Variants in FER observed in about 807,000 individuals in gnomAD.
The protein encoded by FER is FER tyrosine kinase, also known as tyrosine-protein kinase Fer.
A neutral mutation model predicts 111.0 loss-of-function variants in FER; 63 were observed. The observed-to-expected ratio is 0.57, with a 90% CI of 0.46 to 0.70. The LOEUF (loss-of-function observed/expected upper bound fraction) is 0.70. Ranked by LOEUF, FER falls within the 30% of genes least tolerant of loss-of-function variation. The pLI is 0.00. For missense variants in FER, 914 were observed against 954.0 expected (o/e 0.96, Z 0.55); for synonymous variants, 327 against 313.9 (o/e 1.04, Z -0.44).
At chr5:109,100,556 T>G (rs749816939) in intron 17 of FER, 37 bp downstream of exon 17, 8 of 1,578,916 alleles carry the variant, frequency 5.1e-6, no homozygotes, top group East Asian at 4.5e-5. Context: ...TTTGGTTTTA[T>G]TAATAGAATG....
intron 10 of FER, among the ~76,000 whole-genome samples, chr5:108,932,435 G>A (rs1754822635): frequency 6.6e-6 from 1 of 152,082 alleles, no homozygotes; most frequent in Non-Finnish European, 1.5e-5. Context: ...TGGACATTTG[G>A]GTTGGTTCCA....
intron 16 of FER, among the ~76,000 whole-genome samples, chr5:109,069,368 A>G (rs1396696700): frequency 6.6e-6 from 1 of 152,200 alleles, no homozygotes; most frequent in Admixed American, 6.5e-5. Flanking sequence ...TAGACGACAC[A>G]TGGATAGTTA....
At chr5:109,183,955 A>AGTGGCTGAGAAATCTTTTTGTAT (rs1487466475) in intron 18 of FER, among the ~76,000 whole-genome samples, 2 of 152,174 alleles carry the variant, frequency 1.3e-5, no homozygotes, top group African/African-American at 4.8e-5. Flanking sequence ...TCTTCTCATA[A>AGTGGCTGAGAAATCTTTTTGTAT]GTGGCTGAGA....
chr5:108,979,343 C>G (rs1175996406), intron 13 of FER, among the ~76,000 whole-genome samples: 9 of 152,024 alleles, frequency 5.9e-5, no homozygotes, highest in Admixed American at 4.6e-4. Flanking sequence ...AATCTCTTTC[C>G]CTGAATTTCA....
rs1759290333 is a variant in FER at position 109,190,331 on chromosome 5, C to T, written c.*2756C>T. On this transcript the variant is annotated 3_prime_UTR_variant, in exon 20 of 20. Coordinates refer to ENST00000281092, the MANE Select transcript of FER (RefSeq NM_005246.4). ...GGTCCGGATGTAATTAGTCCAGTCACAAATCTTTGTGTTGTTAATGGATTA... is the reference window on the plus strand; with the variant it reads ...GGTCCGGATGTAATTAGTCCAGTCATAAATCTTTGTGTTGTTAATGGATTA... 1 of 151,902 alleles carries T rather than the reference C, an allele frequency of 6.6e-6. No homozygotes were observed. The highest frequency in any genetic ancestry group is 1.9e-4 in the East Asian group (1 of 5,194). The allele number at this position is 151,902 out of a possible 1,614,324, so 9.4% of individuals were successfully genotyped here. A position where few individuals can be genotyped will look rare whatever the true frequency, so the allele number is the denominator to read the frequency against.
intron 16 of FER, among the ~76,000 whole-genome samples, chr5:109,092,644 T>C (rs1231130108): frequency 6.6e-6 from 1 of 152,150 alleles, no homozygotes; most frequent in East Asian, 1.9e-4. Flanking sequence ...AACAGAATCC[T>C]GTGCATTGCC....
chr5:108,903,060 T>G (rs1397341872), intron 10 of FER, among the ~76,000 whole-genome samples: 2 of 152,184 alleles, frequency 1.3e-5, no homozygotes, highest in Non-Finnish European at 2.9e-5. Context: ...TTTAACTTTA[T>G]GACAATATAT....
At chr5:109,045,208 T>C (rs1443446855) in intron 15 of FER, among the ~76,000 whole-genome samples, 1 of 151,786 alleles carries the variant, frequency 6.6e-6, no homozygotes, top group Non-Finnish European at 1.5e-5. Flanking sequence ...AGCTGTTAGG[T>C]TTCATTTCTG....
intron 13 of FER, among the ~76,000 whole-genome samples, chr5:109,022,633 T>G (rs569163440): frequency 6.6e-6 from 1 of 152,238 alleles, no homozygotes; most frequent in African/African-American, 2.4e-5. Flanking sequence ...ATAGAAATAT[T>G]ACCTTGTGAG....
At chr5:108,762,415 C>T (rs191987681) in intron 1 of FER, among the ~76,000 whole-genome samples, 7 of 152,300 alleles carry the variant, frequency 4.6e-5, no homozygotes. Context: ...TTCTATCATC[C>T]TGGTTCGGCA....
chr5:109,105,347 G>A (rs866292331), intron 17 of FER, among the ~76,000 whole-genome samples: 1 of 150,308 alleles, frequency 6.7e-6, no homozygotes, highest in Non-Finnish European at 1.5e-5. Context: ...TTTTCCCGAT[G>A]ATCTTTGAGG....
intron 2 of FER, among the ~76,000 whole-genome samples, chr5:108,795,889 T>C (rs1270040826): frequency 6.6e-6 from 1 of 152,208 alleles, no homozygotes; most frequent in East Asian, 1.9e-4. Context: ...AGTTTGTGTA[T>C]GGAGATCCTG....
intron 10 of FER, among the ~76,000 whole-genome samples, chr5:108,909,381 A>G (rs1244055067): frequency 2.0e-5 from 3 of 152,166 alleles, no homozygotes; most frequent in Admixed American, 6.5e-5. Context: ...TCACAGATGA[A>G]GGATGTGATC....
At chr5:108,842,028 G>T (rs1050719898) in intron 5 of FER, among the ~76,000 whole-genome samples, 1 of 152,120 alleles carries the variant, frequency 6.6e-6, no homozygotes, top group African/African-American at 2.4e-5. Flanking sequence ...TTATATTATA[G>T]CTTTGATAAT....
At chr5:109,064,202 T>C (rs1460122298) in intron 16 of FER, among the ~76,000 whole-genome samples, 3 of 152,192 alleles carry the variant, frequency 2.0e-5, no homozygotes, top group African/African-American at 2.4e-5. Flanking sequence ...CCTTGTAAAT[T>C]GGAGTTACTT....
At chr5:109,074,567 T>C (rs1390841776) in intron 16 of FER, among the ~76,000 whole-genome samples, 1 of 152,210 alleles carries the variant, frequency 6.6e-6, no homozygotes, top group East Asian at 1.9e-4. Context: ...TACTTGGAGT[T>C]CCACTCTGCA....
At chr5:108,992,943 C>T (rs1479349199) in intron 13 of FER, among the ~76,000 whole-genome samples, 7 of 150,172 alleles carry the variant, frequency 4.7e-5, no homozygotes, top group South Asian at 2.1e-4. Flanking sequence ...CGACGATGGG[C>T]GGCCGGGCAG....
chr5:108,818,726 T>C (rs1163700783), intron 3 of FER, among the ~76,000 whole-genome samples: 2 of 152,100 alleles, frequency 1.3e-5, no homozygotes, highest in Admixed American at 1.3e-4. Context: ...ATTTGAGAGA[T>C]GGGTCATTAC....
chr5:109,108,141 AG>A (rs1472521025), intron 17 of FER, among the ~76,000 whole-genome samples: 5 of 152,130 alleles, frequency 3.3e-5, no homozygotes, highest in Non-Finnish European at 7.4e-5. Context: ...CTGTTTGCCA[AG>A]TACATTCATA....
Sources: allele counts gnomAD v4.1 joint callset (sites outside exome capture counted in the v4.1 genomes callset), GRCh38; gene constraint gnomAD v4.1.1; transcripts MANE v1.5; gene names NCBI Gene and HGNC (gene_info 2026-07-23, HGNC 2026-07-21).